Variants in LRRC7 observed in about 807,000 individuals in gnomAD.
The protein encoded by LRRC7 is leucine-rich repeat-containing protein 7.
In LRRC7, 23 loss-of-function variants were observed where a neutral mutation model predicts 175.7. That is an observed-to-expected ratio of 0.13 (90% CI 0.09 to 0.19). LRRC7 has a LOEUF of 0.19. Ranked by LOEUF, LRRC7 falls within the 10% of genes least tolerant of loss-of-function variation. The probability of loss-of-function intolerance (pLI) is 1.00; values close to 1 mark genes in which losing one functional copy is unlikely to be tolerated. For synonymous variants in LRRC7, 685 were observed against 680.9 expected, an observed-to-expected ratio of 1.01 and a Z score of -0.09; for missense variants, 1,354 against 1,904.7, an observed-to-expected ratio of 0.71 and a Z score of 5.38.
chr1:70,034,172 C>T (rs1358179373), intron 18 of LRRC7, among the ~76,000 whole-genome samples: 1 of 152,078 alleles, frequency 6.6e-6, no homozygotes, highest in Non-Finnish European at 1.5e-5. Context: ...GTTTCTCAAA[C>T]TCATATCTTC....
Position 70,058,117 on chromosome 1 carries a change from C to T in LRRC7, c.4230+4972C>T, listed in dbSNP as rs571315128. Among the ~76,000 whole-genome samples, 15 of 150,344 alleles carry T rather than the reference C, an allele frequency of 1.0e-4. No homozygotes were observed. The South Asian group carries it at 2.9e-3, about 29-fold the overall frequency. On this transcript the variant is annotated intron_variant, in intron 23 of 26. Transcript: ENST00000651989. The stretch of plus-strand genomic sequence containing the variant: ...CTCCCCATCCTGGGTTCAAGTGATT[C>T]GCGCGCCTCACCCTCCCAAGTAGCT...
chr1:69,850,596 G>A (rs530622500), intron 7 of LRRC7, among the ~76,000 whole-genome samples: 1 of 152,174 alleles, frequency 6.6e-6, no homozygotes, highest in Non-Finnish European at 1.5e-5. Flanking sequence ...CAATGAGTGG[G>A]AAGATTTGTG....
In LRRC7 at chr1:70,128,023, G is replaced by A. The variant is rs151116530; in HGVS notation, c.*6136G>A. ...GTCACCCAGGCTGGAGTGCAGTAGC[G>A]CTATCTTGGCTCACTGTAACTTCCA... is the stretch of plus-strand genomic sequence containing the variant. On this transcript the variant is annotated 3_prime_UTR_variant, in exon 27 of 27. Coordinates refer to ENST00000651989, the MANE Select transcript of LRRC7 (RefSeq NM_001370785.2). 3.3e-5 allele frequency among the ~76,000 whole-genome samples: 5 copies of A among 152,000 alleles called. No homozygotes were observed. The highest frequency in any genetic ancestry group is 1.9e-4 in the East Asian group (1 of 5,174).
chr1:70,037,986 C>A, intron 20 of LRRC7, 127 bp from the exon 21 acceptor site: 2 of 1,238,532 alleles, frequency 1.6e-6, no homozygotes, highest in Non-Finnish European at 2.2e-6. Flanking sequence ...CTATCTTAAT[C>A]ATAAGTCAGG....
chr1:69,858,758 A>G (rs1280955860), intron 7 of LRRC7, among the ~76,000 whole-genome samples: 5 of 152,076 alleles, frequency 3.3e-5, no homozygotes, highest in Non-Finnish European at 7.4e-5. Flanking sequence ...TTTGCTCTAA[A>G]ATGCCCATGG....
At chr1:69,886,929 A>C (rs1414876914) in intron 7 of LRRC7, among the ~76,000 whole-genome samples, 4 of 152,100 alleles carry the variant, frequency 2.6e-5, no homozygotes, top group African/African-American at 9.6e-5. Context: ...TTTCTTTAAG[A>C]ATGTTGAAAA....
chr1:69,624,955 A>G (rs1651240176), intron 1 of LRRC7, among the ~76,000 whole-genome samples: 1 of 152,120 alleles, frequency 6.6e-6, no homozygotes, highest in Non-Finnish European at 1.5e-5. Context: ...ATTCTTCAAT[A>G]CTGTCATAAA....
chr1:69,952,451 C>G (rs1402936597), intron 8 of LRRC7, among the ~76,000 whole-genome samples: 1 of 151,910 alleles, frequency 6.6e-6, no homozygotes, highest in Non-Finnish European at 1.5e-5. Flanking sequence ...ATTTGTAAAG[C>G]CAGATCGTTA....
chr1:70,068,284 C>T (rs1421180825), intron 23 of LRRC7, among the ~76,000 whole-genome samples: 1 of 151,982 alleles, frequency 6.6e-6, no homozygotes. Flanking sequence ...CCCTCTATTC[C>T]TATTTCTCTG....
chr1:70,004,648 G>A (rs755166043), intron 11 of LRRC7, among the ~76,000 whole-genome samples: 2 of 151,734 alleles, frequency 1.3e-5, no homozygotes, highest in African/African-American at 2.4e-5. Context: ...GTCTACTTTC[G>A]GTTATACTGG....
intron 4 of LRRC7, 54 bp downstream of exon 4, chr1:69,792,214 C>A: frequency 1.0e-6 from 1 of 962,508 alleles, no homozygotes; most frequent in Non-Finnish European, 1.6e-6. Flanking sequence ...TGAAAATGTG[C>A]TTTAATATCT....
At chr1:69,602,687 C>T (rs770098158) in intron 1 of LRRC7, among the ~76,000 whole-genome samples, 32 of 152,098 alleles carry the variant, frequency 2.1e-4, no homozygotes, top group Middle Eastern at 6.8e-3. Flanking sequence ...GTTGAAGCTC[C>T]GAGAATCAAT....
chr1:70,009,517 A>G (rs1656303716), intron 11 of LRRC7, among the ~76,000 whole-genome samples: 1 of 152,092 alleles, frequency 6.6e-6, no homozygotes, highest in South Asian at 2.1e-4. Context: ...AGGATGTTGA[A>G]ACAAATTTAA....
chr1:70,096,827 T>A (rs1664438274), intron 25 of LRRC7, among the ~76,000 whole-genome samples: 1 of 152,194 alleles, frequency 6.6e-6, no homozygotes, highest in African/African-American at 2.4e-5. Context: ...AGGTGTTCAT[T>A]TCTGGGCCAT....
chr1:70,067,260 A>G (rs1662048714), intron 23 of LRRC7, among the ~76,000 whole-genome samples: 1 of 151,962 alleles, frequency 6.6e-6, no homozygotes, highest in South Asian at 2.1e-4. Context: ...TTCTTTTAGC[A>G]TTTAACATTT....
chr1:69,955,821 A>G (rs1293786108), intron 8 of LRRC7, among the ~76,000 whole-genome samples: 7 of 151,966 alleles, frequency 4.6e-5, no homozygotes, highest in African/African-American at 1.4e-4. Flanking sequence ...CATTGAGCCA[A>G]TAAATATTAT....
intron 2 of LRRC7, among the ~76,000 whole-genome samples, chr1:69,714,082 T>C (rs1284685847): frequency 6.6e-6 from 1 of 152,130 alleles, no homozygotes; most frequent in Non-Finnish European, 1.5e-5. Flanking sequence ...GGCCACAGCC[T>C]TACACCAATT....
intron 24 of LRRC7, among the ~76,000 whole-genome samples, chr1:70,089,089 C>T (rs1321665691): frequency 6.6e-6 from 1 of 152,114 alleles, no homozygotes; most frequent in African/African-American, 2.4e-5. Context: ...CTATTCTCCC[C>T]TTTCTTCTAA....
At chr1:69,615,269 C>T (rs781615073) in intron 1 of LRRC7, among the ~76,000 whole-genome samples, 11 of 151,956 alleles carry the variant, frequency 7.2e-5, no homozygotes, top group Non-Finnish European at 1.6e-4. Context: ...GATTAATTCT[C>T]ATTTCCTCAG....
Sources: gnomAD v4.1 joint callset for allele counts (sites outside exome capture counted in the v4.1 genomes callset) on GRCh38, gnomAD v4.1.1 for gene constraint, MANE v1.5 for transcripts, NCBI Gene and HGNC (gene_info 2026-07-23, HGNC 2026-07-21) for gene names.